Variants in GUCY2C observed in about 807,000 individuals in gnomAD.
GUCY2C encodes the protein guanylate cyclase 2C.
A neutral mutation model predicts 131.1 loss-of-function variants in GUCY2C; 118 were observed. The ratio of observed to expected loss-of-function variants is 0.90; its 90% CI spans 0.78 to 1.05. The LOEUF is 1.05. Among genes scored for constraint, GUCY2C ranks in the 50% least tolerant of loss-of-function variants. The pLI, the probability that GUCY2C is intolerant of heterozygous loss-of-function variation, is 0.00. For missense variants in GUCY2C, 1,161 were observed against 1,304.4 expected (o/e 0.89, Z 1.69); for synonymous variants, 452 against 457.8 (o/e 0.99, Z 0.16).
chr12:14,616,689 G>T lies in GUCY2C; in HGVS notation c.2914C>A (p.Leu972Met). 1 of 1,609,618 alleles carries T rather than the reference G, an allele frequency of 6.2e-7. No homozygotes were observed. Among genetic ancestry groups the T allele is most frequent in the Non-Finnish European group, 8.5e-7 (1 of 1,176,100 alleles). Reference sequence around the variant, plus strand: ...AGGAACTGGCACTCAGTTCTCTTCAGGATGGCTATGGTGGAGCCACTCACG... The same window carrying T: ...AGGAACTGGCACTCAGTTCTCTTCATGATGGCTATGGTGGAGCCACTCACG... ...IHVSGSTIAILKRTECQFLYE... is the reference protein window; with the variant it reads ...IHVSGSTIAIMKRTECQFLYE... The change falls in exon 25 of 27, where the codon CTG (leucine) becomes ATG (methionine). Residue 972 changes from leucine (L) to methionine (M), a missense_variant. By Grantham distance (15) the Leu-to-Met change is conservative (BLOSUM62 2). Coordinates refer to ENST00000261170, the MANE Select transcript of GUCY2C (RefSeq NM_004963.4).
At chr12:14,658,074 A>AT (rs1193637402) in intron 11 of GUCY2C, among the ~76,000 whole-genome samples, 1 of 152,002 alleles carries the variant, frequency 6.6e-6, no homozygotes, top group African/African-American at 2.4e-5. Flanking sequence ...CCTTTCAAAT[A>AT]TTTTCTAGCT....
intron 19 of GUCY2C, among the ~76,000 whole-genome samples, chr12:14,634,523 C>T (rs999810498): frequency 2.5e-4 from 38 of 152,038 alleles, no homozygotes; most frequent in Middle Eastern, 6.8e-3. Flanking sequence ...AAACCACAAA[C>T]CATAATGAAA....
At chr12:14,670,818 T>A (rs918123468) in intron 9 of GUCY2C, among the ~76,000 whole-genome samples, 8 of 149,748 alleles carry the variant, frequency 5.3e-5, no homozygotes, top group Admixed American at 6.7e-5. Flanking sequence ...TGAAAAAAAT[T>A]TTTTTTTTCT....
intron 20 of GUCY2C, 56 bp from the exon 21 acceptor site, chr12:14,625,971 C>T: frequency 1.0e-6 from 1 of 990,782 alleles, no homozygotes; most frequent in South Asian, 1.5e-5. Flanking sequence ...ACATGAACAT[C>T]CAATAAAACA....
chr12:14,661,409 C>T (rs561444929), intron 10 of GUCY2C, among the ~76,000 whole-genome samples: 1 of 152,092 alleles, frequency 6.6e-6, no homozygotes, highest in South Asian at 2.1e-4. Flanking sequence ...AACCAATATA[C>T]CTAAGAAGGG....
chr12:14,685,964 A>T (rs576570885), intron 3 of GUCY2C, among the ~76,000 whole-genome samples, 197 bp downstream of exon 3: 206 of 152,190 alleles, frequency 1.4e-3, no homozygotes, highest in Non-Finnish European at 2.6e-3. Context: ...TTAATGACTC[A>T]ACCTGAATGG....
chr12:14,687,924 G>A (rs543832777), intron 2 of GUCY2C, 27 bp downstream of exon 2: 4 of 1,211,968 alleles, frequency 3.3e-6, no homozygotes, highest in Non-Finnish European at 4.9e-6. Context: ...GAGGCCATGA[G>A]CTGCATCCAC....
At chr12:14,682,303 C>G (rs577677575) in intron 4 of GUCY2C, among the ~76,000 whole-genome samples, 1 of 152,124 alleles carries the variant, frequency 6.6e-6, no homozygotes, top group African/African-American at 2.4e-5. Context: ...GTGGTTTCCC[C>G]CATGCTGTTC....
intron 17 of GUCY2C, among the ~76,000 whole-genome samples, chr12:14,642,829 C>T (rs1334484660): frequency 1.3e-5 from 2 of 152,052 alleles, no homozygotes; most frequent in Non-Finnish European, 2.9e-5. Context: ...CTTGAAATGG[C>T]TGTGGATGTA....
At chr12:14,695,937 G>A (rs1490918754) in intron 1 of GUCY2C, among the ~76,000 whole-genome samples, 5 of 152,106 alleles carry the variant, frequency 3.3e-5, no homozygotes, top group South Asian at 2.1e-4. Flanking sequence ...GATTACAGAC[G>A]TGAGCCACCA....
chr12:14,661,053 A>G lies in GUCY2C; in HGVS notation c.1292T>C (p.Ile431Thr), dbSNP rs1380814229. The G allele has an allele frequency of 3.1e-6, 5 of 1,610,604 alleles. No individual in the cohort carries two copies. The highest frequency in any genetic ancestry group is 8.5e-7 in the Non-Finnish European group (1 of 1,176,902). Reference protein sequence around the residue: ...PNDITGRGPQILMIAVFTLTG... With the variant: ...PNDITGRGPQTLMIAVFTLTG... Reference sequence around the variant, plus strand: ...GAGGGTGAAGACTGCAATCATCAGGATCTGAGGGCCTGTGGCGGAAAATGC... The same window carrying G: ...GAGGGTGAAGACTGCAATCATCAGGGTCTGAGGGCCTGTGGCGGAAAATGC... Residue 431 changes from isoleucine (I) to threonine (T), a missense_variant, in exon 11 of 27, where the codon ATC becomes ACC. By Grantham distance (89) the Ile-to-Thr change is moderately conservative (BLOSUM62 -1). Coordinates refer to ENST00000261170, the MANE Select transcript of GUCY2C (RefSeq NM_004963.4).
rs138792835 is a variant in GUCY2C, at chr12:14,680,606, C to A, written c.733+750G>T. ...TGGATTCCTTTGCCCCTGATACATT[C>A]TTGTTTGTCAAGAGAATTCTGTGGA... On this transcript the variant is annotated intron_variant, in intron 5 of 26. Transcript: ENST00000261170. Among the ~76,000 whole-genome samples the A allele has an allele frequency of 2.4e-3, 358 of 152,236 alleles. 1 individual carries two copies. Among genetic ancestry groups the A allele is most frequent in the African/African-American group, 6.3e-3 (262 of 41,556 alleles).
At chr12:14,620,965 C>A (rs1946883269) in intron 23 of GUCY2C, 77 bp downstream of exon 23, 1 of 1,156,698 alleles carries the variant, frequency 8.6e-7, no homozygotes, top group Non-Finnish European at 1.3e-6. Context: ...CACTTGAAGA[C>A]CTTTTATCCT....
At chr12:14,691,877 G>A (rs1948580177) in intron 1 of GUCY2C, among the ~76,000 whole-genome samples, 1 of 152,170 alleles carries the variant, frequency 6.6e-6, no homozygotes, top group South Asian at 2.1e-4. Flanking sequence ...CTAGCTTTGG[G>A]CTGTGATTTT....
In GUCY2C at chr12:14,636,886, C is replaced by T. The variant is rs569527734; in HGVS notation, c.2157+2976G>A. 4.0e-5 allele frequency among the ~76,000 whole-genome samples: 6 copies of T among 151,812 alleles called. No homozygotes were observed. The East Asian group carries it at 7.7e-4, about 20-fold the overall frequency. Reference sequence around the variant, plus strand: ...GGTGGATTGCCTGAGCTCAGGAGTTCGAGACAAGCCTGGGCAACATGGTGA... The same window carrying T: ...GGTGGATTGCCTGAGCTCAGGAGTTTGAGACAAGCCTGGGCAACATGGTGA... On this transcript the variant is annotated intron_variant, in intron 19 of 26. Transcript: ENST00000261170.
At chr12:14,695,963 C>T (rs1038428530) in intron 1 of GUCY2C, among the ~76,000 whole-genome samples, 4 of 152,138 alleles carry the variant, frequency 2.6e-5, no homozygotes, top group African/African-American at 9.7e-5. Context: ...GGCCTAAACC[C>T]AGTTTTAACT....
intron 10 of GUCY2C, among the ~76,000 whole-genome samples, chr12:14,667,313 G>T (rs1037091637): frequency 2.6e-5 from 4 of 152,196 alleles, no homozygotes; most frequent in African/African-American, 9.6e-5. Flanking sequence ...GTCAAGTTTG[G>T]TTTAAAACTA....
At chr12:14,627,474 T>C (rs1947046396) in intron 20 of GUCY2C, among the ~76,000 whole-genome samples, 1 of 152,140 alleles carries the variant, frequency 6.6e-6, no homozygotes, top group Non-Finnish European at 1.5e-5. Flanking sequence ...TGGATAATCT[T>C]ACTCTAGGAT....
intron 15 of GUCY2C, among the ~76,000 whole-genome samples, chr12:14,648,247 A>G (rs1302253015): frequency 1.3e-5 from 2 of 149,900 alleles, no homozygotes; most frequent in Non-Finnish European, 3.0e-5. Flanking sequence ...GGCATGAGCC[A>G]CCGCACCTAG....
Sources: gnomAD v4.1 joint callset for allele counts (sites outside exome capture counted in the v4.1 genomes callset) on GRCh38, gnomAD v4.1.1 for gene constraint, MANE v1.5 for transcripts, NCBI Gene and HGNC (gene_info 2026-07-23, HGNC 2026-07-21) for gene names.